PI4KB: variants seen among roughly 807,000 people sequenced by gnomAD.
PI4KB encodes PtdIns 4-kinase beta.
Under a neutral mutation model 81.4 loss-of-function variants are expected in PI4KB, and 23 were observed. The observed-to-expected ratio is 0.28, with a 90% confidence interval of 0.20 to 0.40. The LOEUF (loss-of-function observed/expected upper bound fraction) is 0.40, where lower values mean the gene tolerates loss of function less well. Among genes scored for constraint, PI4KB ranks in the 10% least tolerant of loss-of-function variants. The pLI is 1.00. For synonymous variants in PI4KB, 381 were observed against 406.8 expected (o/e 0.94, Z 0.76); for missense variants, 651 against 1,036.6 (o/e 0.63, Z 5.11).
intron 2 of PI4KB, among the ~76,000 whole-genome samples, chr1:151,313,291 C>G (rs1050529877): frequency 6.6e-6 from 1 of 152,024 alleles, no homozygotes; most frequent in African/African-American, 2.4e-5. Context: ...ATCTAGTGAC[C>G]CAAGATAAGG....
chr1:151,312,225 G>A (rs587746087), intron 2 of PI4KB, among the ~76,000 whole-genome samples: 5 of 152,354 alleles, frequency 3.3e-5, no homozygotes, highest in African/African-American at 1.2e-4. Context: ...TGGGCAGGAA[G>A]AGAACTGTAC....
At position 151,292,338 on chromosome 1, in the gene PI4KB, G is replaced by T. The variant is rs1694351015; in HGVS notation, c.*514C>A. The stretch of plus-strand genomic sequence containing the variant: ...GGGCCCACGCAGCGCCCGCCAGCAA[G>T]GGGAGCTTGGGCCAGGGGTCGGTCC... On this transcript the variant is annotated 3_prime_UTR_variant, in exon 12 of 12. Transcript: ENST00000368873. The T allele has an allele frequency of 6.4e-6, 1 of 156,718 alleles. No homozygotes were observed. Among genetic ancestry groups the T allele is most frequent in the Admixed American group, 6.3e-5 (1 of 15,904 alleles). 9.7% of individuals were successfully genotyped at this position (156,718 alleles called of 1,614,324 possible).
At chr1:151,321,850 G>A (rs1194141556) in intron 1 of PI4KB, among the ~76,000 whole-genome samples, 1 of 147,460 alleles carries the variant, frequency 6.8e-6, no homozygotes. Context: ...TCCAGCCTGG[G>A]CGACAGAGTG....
Position 151,307,557 on chromosome 1 carries a change from G to C in PI4KB, c.1182+17C>G, listed in dbSNP as rs778965813. ...GAGTCACGTCCAGGGTAGGGGTTTGGGCCAGAACCCATCTACCTTGTCCTT... is the reference window on the plus strand; with the variant it reads ...GAGTCACGTCCAGGGTAGGGGTTTGCGCCAGAACCCATCTACCTTGTCCTT... On this transcript the variant is annotated intron_variant, in intron 4 of 11. Transcript: ENST00000368873. 40 of 1,573,526 alleles carry C rather than the reference G, an allele frequency of 2.5e-5. No homozygotes were observed. In the African/African-American group the frequency reaches 5.4e-4, roughly 21 times the overall value.
intron 3 of PI4KB, among the ~76,000 whole-genome samples, chr1:151,308,780 AC>A (rs1187645706): frequency 1.3e-5 from 2 of 152,118 alleles, no homozygotes. Flanking sequence ...CAAGACAGCC[AC>A]CCAACTCCCC....
At chr1:151,304,804 T>C (rs587704081) in intron 5 of PI4KB, among the ~76,000 whole-genome samples, 206 of 151,504 alleles carry the variant, frequency 1.4e-3, no homozygotes, top group African/African-American at 4.9e-3. Flanking sequence ...TAGCTGGGAT[T>C]ACAGGCATGT....
intron 9 of PI4KB, among the ~76,000 whole-genome samples, chr1:151,297,118 G>C (rs1396560706): frequency 6.6e-6 from 1 of 152,096 alleles, no homozygotes; most frequent in Non-Finnish European, 1.5e-5. Flanking sequence ...TAGCTAGCTA[G>C]CTAGCTAGTT....
At chr1:151,319,741 G>C (rs916281425) in intron 1 of PI4KB, among the ~76,000 whole-genome samples, 1 of 152,210 alleles carries the variant, frequency 6.6e-6, no homozygotes, top group African/African-American at 2.4e-5. Context: ...CCTGGCTCCA[G>C]AATCTGACTA....
At chr1:151,297,506 A>AATGT (rs1024607863) in intron 9 of PI4KB, among the ~76,000 whole-genome samples, 17 of 151,594 alleles carry the variant, frequency 1.1e-4, no homozygotes, top group Admixed American at 2.0e-4. Flanking sequence ...AAGCCCAGCT[A>AATGT]ATGTATGTAT....
intron 1 of PI4KB, among the ~76,000 whole-genome samples, chr1:151,323,824 G>T (rs946757468): frequency 6.6e-6 from 1 of 152,148 alleles, no homozygotes; most frequent in South Asian, 2.1e-4. Context: ...TCAGAACACT[G>T]AGATAATTAA....
At chr1:151,315,294 AT>A (rs1371267344) in intron 2 of PI4KB, among the ~76,000 whole-genome samples, 9 of 152,168 alleles carry the variant, frequency 5.9e-5, no homozygotes, top group African/African-American at 2.2e-4. Flanking sequence ...TTTAATAAAA[AT>A]GATTTGGGAC....
At chr1:151,320,644 C>T (rs2102012117) in intron 1 of PI4KB, among the ~76,000 whole-genome samples, 1 of 152,322 alleles carries the variant, frequency 6.6e-6, no homozygotes, top group East Asian at 1.9e-4. Flanking sequence ...TCCCTACTCG[C>T]AACTGTGAGT....
At chr1:151,309,119 G>GA (rs2101967749) in intron 3 of PI4KB, among the ~76,000 whole-genome samples, 1 of 152,296 alleles carries the variant, frequency 6.6e-6, no homozygotes, top group South Asian at 2.1e-4. Context: ...GAAAACAATG[G>GA]AATTGGGTTT....
intron 1 of PI4KB, chr1:151,324,904 G>A: frequency 1.0e-6 from 1 of 985,034 alleles, no homozygotes; most frequent in Non-Finnish European, 1.2e-6. Flanking sequence ...TTCTCATGGA[G>A]CGTGGACTCA....
chr1:151,315,772 C>A lies in PI4KB; in HGVS notation c.710G>T (p.Arg237Leu). The change falls in exon 2 of 12, where the codon CGG (arginine) becomes CTG (leucine). Residue 237 changes from arginine (R) to leucine (L), a missense_variant. By Grantham distance (102) the Arg-to-Leu change is moderately radical (BLOSUM62 -2). Coordinates refer to ENST00000368873, the MANE Select transcript of PI4KB (RefSeq NM_001369623.2). ...TQRHSRGTKL[R>L]KLILSDELKP... The stretch of plus-strand genomic sequence containing the variant: ...TAGCTCATCTGAGAGGATCAGCTTC[C>A]GTAGCTTGGTCCCACGGGAGTGTCG... 1 of 1,613,012 alleles carries A rather than the reference C, an allele frequency of 6.2e-7. No individual in the cohort carries two copies. The highest frequency in any genetic ancestry group is 8.5e-7 in the Non-Finnish European group (1 of 1,179,312).
intron 9 of PI4KB, 23 bp downstream of exon 9, chr1:151,298,785 G>C: frequency 1.2e-6 from 2 of 1,604,064 alleles, no homozygotes; most frequent in African/African-American, 2.7e-5. Flanking sequence ...GAAATGTTAG[G>C]ATGAGCAGCA....
intron 1 of PI4KB, among the ~76,000 whole-genome samples, chr1:151,319,176 A>G (rs1648474275): frequency 6.6e-6 from 1 of 152,094 alleles, no homozygotes; most frequent in Admixed American, 6.6e-5. Flanking sequence ...GTAGTACTCA[A>G]TATATGCTAG....
intron 5 of PI4KB, among the ~76,000 whole-genome samples, chr1:151,304,654 T>G (rs908859076): frequency 3.4e-5 from 5 of 148,766 alleles, no homozygotes; most frequent in Non-Finnish European, 7.5e-5. Context: ...CCTGGCTGTG[T>G]TTTTGTTTTG....
chr1:151,298,524 C>T (rs1365242963), intron 9 of PI4KB: 1 of 457,856 alleles, frequency 2.2e-6, no homozygotes, highest in African/African-American at 2.0e-5. Flanking sequence ...TGTACCTCCC[C>T]TGCAGCTTCC....
Sources: gnomAD v4.1 joint callset for allele counts (sites outside exome capture counted in the v4.1 genomes callset) on GRCh38, gnomAD v4.1.1 for gene constraint, MANE v1.5 for transcripts, NCBI Gene and HGNC (gene_info 2026-07-23, HGNC 2026-07-21) for gene names.